The following PDGFD variants were observed in gnomAD, a reference collection of about 807,000 sequenced individuals.
PDGFD encodes the protein platelet derived growth factor D.
In PDGFD, 30 loss-of-function variants were observed where a neutral mutation model predicts 44.7. That is an observed-to-expected ratio of 0.67 (90% CI 0.50 to 0.91). The LOEUF is 0.91. PDGFD is among the 40% of genes least tolerant of loss of function. The pLI is 0.00. For missense variants in PDGFD, 445 were observed against 457.8 expected, an observed-to-expected ratio of 0.97 and a Z score of 0.25; for synonymous variants, 173 against 168.4, an observed-to-expected ratio of 1.03 and a Z score of -0.21.
At chr11:104,093,741 A>C (rs1861244123) in intron 1 of PDGFD, among the ~76,000 whole-genome samples, 1 of 151,550 alleles carries the variant, frequency 6.6e-6, no homozygotes, top group African/African-American at 2.4e-5. Flanking sequence ...AAAACACAGA[A>C]TGTCATGGGC....
intron 1 of PDGFD, among the ~76,000 whole-genome samples, chr11:104,101,383 T>A (rs1470045099): frequency 6.6e-6 from 1 of 151,906 alleles, no homozygotes; most frequent in African/African-American, 2.4e-5. Flanking sequence ...TACCTAGGAA[T>A]CCAACTTACA....
At position 104,000,271 on chromosome 11, in the gene PDGFD, A is replaced by G. The variant is rs1859600832; in HGVS notation, c.125-16T>C. On this transcript the variant is annotated splice_polypyrimidine_tract_variant and intron_variant, in intron 1 of 6. Transcript: ENST00000393158. ...TGATTGCTCTCTGTTAGTAGTCACA[A>G]CTTGTAGAAATTAGTATGTTGCTCC... 3 of 1,603,216 alleles carry G rather than the reference A, an allele frequency of 1.9e-6. No homozygotes were observed. Among genetic ancestry groups the G allele is most frequent in the Admixed American group, 1.7e-5 (1 of 59,894 alleles).
intron 1 of PDGFD, among the ~76,000 whole-genome samples, chr11:104,026,081 GCAGC>G (rs1351722242): frequency 6.6e-6 from 1 of 152,170 alleles, no homozygotes; most frequent in African/African-American, 2.4e-5. Flanking sequence ...TCCCAACTCT[GCAGC>G]CATGGCTGTA....
At chr11:103,940,575 T>A (rs574816812) in intron 5 of PDGFD, among the ~76,000 whole-genome samples, 1 of 152,126 alleles carries the variant, frequency 6.6e-6, no homozygotes, top group South Asian at 2.1e-4. Context: ...ACTGCTCCCC[T>A]CCTCATACAT....
chr11:103,934,397 C>T (rs1374205900), intron 5 of PDGFD, among the ~76,000 whole-genome samples: 1 of 152,140 alleles, frequency 6.6e-6, no homozygotes, highest in Non-Finnish European at 1.5e-5. Flanking sequence ...AATAGAAGGC[C>T]ATGCCCACCT....
At chr11:104,037,374 G>T in intron 1 of PDGFD, 1 of 1,614,142 alleles carries the variant, frequency 6.2e-7, no homozygotes, top group Non-Finnish European at 8.5e-7. Context: ...AGGTGCTGAT[G>T]GAGCAGCAAA....
intron 1 of PDGFD, among the ~76,000 whole-genome samples, chr11:104,126,365 T>A (rs1160048812): frequency 6.6e-6 from 1 of 152,134 alleles, no homozygotes; most frequent in East Asian, 1.9e-4. Context: ...CCATAAGCAG[T>A]AAGAAACCTC....
intron 1 of PDGFD, among the ~76,000 whole-genome samples, chr11:104,001,396 T>A (rs1859617924): frequency 1.3e-5 from 2 of 152,350 alleles, no homozygotes; most frequent in Middle Eastern, 3.4e-3. Context: ...TAGGAGGACT[T>A]TAATTTTAAG....
chr11:104,026,705 C>A (rs1270236148), intron 1 of PDGFD, among the ~76,000 whole-genome samples: 10 of 152,130 alleles, frequency 6.6e-5, no homozygotes. Flanking sequence ...AATGTCCAGT[C>A]CAAATGACTC....
chr11:104,055,505 T>G (rs1391296931), intron 1 of PDGFD, among the ~76,000 whole-genome samples: 1 of 152,218 alleles, frequency 6.6e-6, no homozygotes, highest in Non-Finnish European at 1.5e-5. Flanking sequence ...TGTCTGGCAC[T>G]TAGTTGGATC....
rs200039970 is a variant in PDGFD at position 103,943,603 on chromosome 11, C to T, written c.621G>A (p.Ala207=). Residue 207 remains alanine, a synonymous_variant, in exon 5 of 7, where the codon GCG becomes GCA. Transcript: ENST00000393158. ...SPSVTDPTLI[A]DALDKKIAEF... ...CTGCAATTTTTTTGTCCAGAGCATCCGCAATCAGAGTGGGATCCGTTACTG... is the reference window on the plus strand; with the variant it reads ...CTGCAATTTTTTTGTCCAGAGCATCTGCAATCAGAGTGGGATCCGTTACTG... The T allele has an allele frequency of 1.6e-5, 26 of 1,613,080 alleles. No individual in the cohort carries two copies. The highest frequency in any genetic ancestry group is 2.7e-5 in the African/African-American group (2 of 74,978).
intron 1 of PDGFD, among the ~76,000 whole-genome samples, chr11:104,132,356 T>A (rs181125625): frequency 2.4e-4 from 36 of 152,222 alleles, no homozygotes; most frequent in African/African-American, 8.7e-4. Flanking sequence ...ACTATAAAAA[T>A]TATTTTTTCT....
At chr11:104,078,278 G>A (rs1860995698) in intron 1 of PDGFD, among the ~76,000 whole-genome samples, 1 of 152,116 alleles carries the variant, frequency 6.6e-6, no homozygotes, top group Non-Finnish European at 1.5e-5. Flanking sequence ...ATTAACTCAG[G>A]CTGGTTACAT....
chr11:103,971,817 T>C (rs1565299065), intron 3 of PDGFD, among the ~76,000 whole-genome samples: 1 of 152,196 alleles, frequency 6.6e-6, no homozygotes, highest in Non-Finnish European at 1.5e-5. Context: ...GTTGTAACAT[T>C]GACTACATCC....
At chr11:104,112,786 A>T (rs1861578148) in intron 1 of PDGFD, among the ~76,000 whole-genome samples, 1 of 152,058 alleles carries the variant, frequency 6.6e-6, no homozygotes, top group Non-Finnish European at 1.5e-5. Flanking sequence ...AAAACAAATA[A>T]CACATGGTCT....
chr11:104,131,969 T>C (rs1861929060), intron 1 of PDGFD, among the ~76,000 whole-genome samples: 1 of 146,892 alleles, frequency 6.8e-6, no homozygotes, highest in Non-Finnish European at 1.5e-5. Flanking sequence ...AGAAGATCTG[T>C]TAAAAAACAA....
intron 5 of PDGFD, among the ~76,000 whole-genome samples, chr11:103,937,878 C>G (rs184747624): frequency 2.9e-4 from 44 of 151,590 alleles, no homozygotes; most frequent in African/African-American, 9.4e-4. Context: ...ACAAAGGACA[C>G]GAACTCATCA....
At chr11:104,005,752 G>T (rs186211520) in intron 1 of PDGFD, among the ~76,000 whole-genome samples, 1 of 152,332 alleles carries the variant, frequency 6.6e-6, no homozygotes, top group African/African-American at 2.4e-5. Context: ...CACAAAGCTT[G>T]TGGTGGAATC....
chr11:103,943,758 C>T, intron 4 of PDGFD, 108 bp from the exon 5 acceptor site: 3 of 876,776 alleles, frequency 3.4e-6, no homozygotes, highest in East Asian at 2.7e-5. Flanking sequence ...GAGTATAAGA[C>T]ATCATACGTT....
Sources: allele counts gnomAD v4.1 joint callset (sites outside exome capture counted in the v4.1 genomes callset), GRCh38; gene constraint gnomAD v4.1.1; transcripts MANE v1.5; gene names NCBI Gene and HGNC (gene_info 2026-07-23, HGNC 2026-07-21).